The following MIB1 variants were observed in gnomAD, a reference collection of about 807,000 sequenced individuals.
MIB1 encodes E3 ubiquitin-protein ligase MIB1.
A neutral mutation model predicts 124.5 loss-of-function variants in MIB1; 278 were observed. That is an observed-to-expected ratio of 2.23 (90% CI 2.02 to 2.47). The LOEUF (loss-of-function observed/expected upper bound fraction) is 2.47. MIB1 is among the 30% of genes most tolerant of loss of function. The pLI, the probability that MIB1 is intolerant of heterozygous loss-of-function variation, is 0.00. For missense variants in MIB1, 957 were observed against 1,254.4 expected, an observed-to-expected ratio of 0.76 and a Z score of 3.58; for synonymous variants, 446 against 429.4, an observed-to-expected ratio of 1.04 and a Z score of -0.48.
At chr18:21,799,257 G>T (rs1404053645) in intron 8 of MIB1, among the ~76,000 whole-genome samples, 1 of 151,974 alleles carries the variant, frequency 6.6e-6, no homozygotes, top group East Asian at 1.9e-4. Flanking sequence ...TTATGAAAGG[G>T]TTTAGGTATA....
intron 1 of MIB1, among the ~76,000 whole-genome samples, chr18:21,706,342 G>A (rs1451989211): frequency 1.3e-5 from 2 of 152,148 alleles, no homozygotes; most frequent in Non-Finnish European, 2.9e-5. Context: ...AAGTGCTGGT[G>A]AGAGGTGACA....
chr18:21,797,103 A>G (rs1022381638), intron 7 of MIB1, among the ~76,000 whole-genome samples: 13 of 152,192 alleles, frequency 8.5e-5, no homozygotes, highest in Non-Finnish European at 1.8e-4. Context: ...ATTTTGTGAT[A>G]TGTAACTATT....
Position 21,779,649 on chromosome 18 carries a change from AT to A in MIB1, c.873del (p.His292MetfsTer4). ...GGAACTGTTTGTGGCATTGATGAAG[AT>A]CATGACATTGTAGTACAGTATCCAA... is the stretch of plus-strand genomic sequence containing the variant. The part of the protein sequence containing the change: ...TTGTVCGIDE[D>X]HDIVVQYPSG... On this transcript the variant is annotated frameshift_variant, in exon 6 of 21. Coordinates refer to ENST00000261537, the MANE Select transcript of MIB1 (RefSeq NM_020774.4). LOFTEE classifies it high-confidence loss of function. 3 of 1,614,148 alleles carry A rather than the reference AT, an allele frequency of 1.9e-6. No homozygotes were observed. The highest frequency in any genetic ancestry group is 2.5e-6 in the Non-Finnish European group (3 of 1,179,984).
intron 17 of MIB1, among the ~76,000 whole-genome samples, chr18:21,849,677 A>T (rs370309964): frequency 6.6e-6 from 1 of 152,034 alleles, no homozygotes; most frequent in South Asian, 2.1e-4. Flanking sequence ...TGTTTCCTTC[A>T]TTATATCTAA....
At chr18:21,848,513 TA>T (rs1384408787) in intron 16 of MIB1, among the ~76,000 whole-genome samples, 1 of 152,168 alleles carries the variant, frequency 6.6e-6, no homozygotes, top group Non-Finnish European at 1.5e-5. Context: ...TAATAACTTT[TA>T]AACAATGGAG....
chr18:21,741,101 G>T lies in MIB1; in HGVS notation c.-483G>T, dbSNP rs2040843855. On this transcript the variant is annotated 5_prime_UTR_variant, in exon 1 of 21. Coordinates refer to ENST00000261537, the MANE Select transcript of MIB1 (RefSeq NM_020774.4). This position sits in a 1 kb window ranked among gnomAD's most constrained non-coding sequence, Gnocchi z 5.4. Reference sequence around the variant, plus strand: ...GCCCACGGGGGAGGAGGCGGCGCCGGCGCTTGGGTGCCCGCCCCCGAGCGA... The same window carrying T: ...GCCCACGGGGGAGGAGGCGGCGCCGTCGCTTGGGTGCCCGCCCCCGAGCGA... Among the ~76,000 whole-genome samples, 1 of 152,082 alleles carries T rather than the reference G, an allele frequency of 6.6e-6. No individual in the cohort carries two copies. Among genetic ancestry groups the T allele is most frequent in the East Asian group, 1.9e-4 (1 of 5,154 alleles).
intron 12 of MIB1, among the ~76,000 whole-genome samples, chr18:21,821,889 C>T (rs1467236308): frequency 6.6e-6 from 1 of 152,194 alleles, no homozygotes; most frequent in Non-Finnish European, 1.5e-5. Context: ...GCGTGAGCCA[C>T]CGCGCCCTTC....
intron 11 of MIB1, among the ~76,000 whole-genome samples, chr18:21,816,774 G>T (rs1216852716): frequency 1.3e-5 from 2 of 152,222 alleles, no homozygotes; most frequent in East Asian, 1.9e-4. Context: ...AATAGATTTT[G>T]TTCAGCTAGA....
At chr18:21,825,658 T>C in intron 12 of MIB1, 2 of 517,646 alleles carry the variant, frequency 3.9e-6, no homozygotes, top group Non-Finnish European at 8.0e-6. Flanking sequence ...TGGCAAGTAA[T>C]TGATATTCAC....
intron 12 of MIB1, among the ~76,000 whole-genome samples, chr18:21,837,211 A>T (rs1185738466): frequency 2.0e-5 from 3 of 152,162 alleles, no homozygotes; most frequent in Admixed American, 6.5e-5. Context: ...AAACCTGTTT[A>T]AAAAGTCTAA....
At chr18:21,862,620 A>C (rs2042285694) in intron 20 of MIB1, among the ~76,000 whole-genome samples, 1 of 152,168 alleles carries the variant, frequency 6.6e-6, no homozygotes, top group Non-Finnish European at 1.5e-5. Context: ...ATTCAGGGGA[A>C]TCTACATTGA....
At chr18:21,711,322 C>T (rs967066931) in intron 1 of MIB1, among the ~76,000 whole-genome samples, 1 of 151,984 alleles carries the variant, frequency 6.6e-6, no homozygotes, top group African/African-American at 2.4e-5. Context: ...CACTCTGTCA[C>T]AAAAGCTGGA....
chr18:21,860,098 C>CTTTTTGTTTTTTTTTTTTT (rs2042263252), intron 20 of MIB1, among the ~76,000 whole-genome samples: 1 of 26,460 alleles, frequency 3.8e-5, no homozygotes, highest in Non-Finnish European at 7.0e-5. Flanking sequence ...TTCTTTATGT[C>CTTTTTGTTTTTTTTTTTTT]TTTTTTTTTT....
intron 10 of MIB1, among the ~76,000 whole-genome samples, chr18:21,811,840 A>G (rs1374927189): frequency 6.6e-6 from 1 of 152,160 alleles, no homozygotes; most frequent in African/African-American, 2.4e-5. Flanking sequence ...ACTTAATATC[A>G]CTGAATTGTA....
chr18:21,864,574 T>C lies in MIB1; in HGVS notation c.2929T>C (p.Cys977Arg). Residue 977 changes from cysteine to arginine, a missense_variant, in exon 21 of 21, where the codon TGT becomes CGT. Coordinates refer to ENST00000261537, the MANE Select transcript of MIB1 (RefSeq NM_020774.4). Reference protein sequence around the residue: ...LDRLKNMIFLCGHGTCQLCGD... With the variant: ...LDRLKNMIFLRGHGTCQLCGD... The stretch of plus-strand genomic sequence containing the variant: ...TCGTCTGAAGAATATGATTTTCCTT[T>C]GTGGTCACGGAACCTGTCAACTCTG... 6.2e-7 allele frequency: 1 copy of C among 1,613,708 alleles called. No homozygotes were observed. The highest frequency in any genetic ancestry group is 8.5e-7 in the Non-Finnish European group (1 of 1,179,636).
At chr18:21,715,708 TGCAAAATGCTC>T (rs1647864501) in intron 1 of MIB1, among the ~76,000 whole-genome samples, 1 of 151,806 alleles carries the variant, frequency 6.6e-6, no homozygotes, top group African/African-American at 2.4e-5. Context: ...ACTTATAGAA[TGCAAAATGCTC>T]TGGAAAGTCT....
At chr18:21,757,451 C>CAAAAAA (rs1202189616) in intron 1 of MIB1, among the ~76,000 whole-genome samples, 4 of 13,286 alleles carry the variant, frequency 3.0e-4, no homozygotes, top group African/African-American at 1.3e-3. Flanking sequence ...GACTCTGTCT[C>CAAAAAA]AAAAAAAAAA....
intron 10 of MIB1, among the ~76,000 whole-genome samples, chr18:21,810,490 T>C (rs939389425): frequency 1.3e-5 from 2 of 151,974 alleles, no homozygotes; most frequent in Non-Finnish European, 1.5e-5. Flanking sequence ...TTTCAAGACT[T>C]ACCACAAGGC....
At chr18:21,798,710 C>T (rs927953996) in intron 8 of MIB1, among the ~76,000 whole-genome samples, 1 of 151,980 alleles carries the variant, frequency 6.6e-6, no homozygotes, top group Non-Finnish European at 1.5e-5. Flanking sequence ...GCTACCGTGA[C>T]TAGAAACTAT....
Sources: gnomAD v4.1 joint callset for allele counts (sites outside exome capture counted in the v4.1 genomes callset) on GRCh38, gnomAD v4.1.1 for gene constraint, Gnocchi (gnomAD v3.1) non-coding constraint, MANE v1.5 for transcripts, NCBI Gene and HGNC (gene_info 2026-07-23, HGNC 2026-07-21) for gene names.